Variants in RPS6KC1 observed in about 807,000 individuals in gnomAD.
RPS6KC1 encodes ribosomal protein S6 kinase C1.
Under a neutral mutation model 103.8 loss-of-function variants are expected in RPS6KC1, and 54 were observed. The observed-to-expected ratio is 0.52, with a 90% CI of 0.42 to 0.65. The LOEUF is 0.65. Among genes scored for constraint, RPS6KC1 ranks in the 30% least tolerant of loss-of-function variants. The pLI is 0.00. For missense variants in RPS6KC1, 1,151 were observed against 1,253.8 expected (o/e 0.92, Z 1.24); for synonymous variants, 439 against 438.7 (o/e 1.00, Z -0.01).
At chr1:213,804,889 C>A in the RPS6KC1 span, among the ~76,000 whole-genome samples, 1 of 152,180 alleles carries the variant, frequency 6.6e-6, no homozygotes, top group African/African-American at 2.4e-5. Flanking sequence ...TTTACATATG[C>A]AGGCATACCT....
chr1:213,440,593 T>TAAAAAAA, the RPS6KC1 span, among the ~76,000 whole-genome samples: 8 of 100,376 alleles, frequency 8.0e-5, no homozygotes, highest in African/African-American at 8.1e-5. Flanking sequence ...TTAATGGAAC[T>TAAAAAAA]AAAAAAAAAA....
chr1:213,800,258 G>A, the RPS6KC1 span, among the ~76,000 whole-genome samples: 4 of 152,208 alleles, frequency 2.6e-5, no homozygotes, highest in Non-Finnish European at 5.9e-5. Context: ...GTCATTGATG[G>A]TGTTCGAGAA....
intron 4 of RPS6KC1, among the ~76,000 whole-genome samples, chr1:213,109,294 G>T (rs565849781): frequency 1.3e-5 from 2 of 152,062 alleles, no homozygotes; most frequent in South Asian, 2.1e-4. Flanking sequence ...CCGCCAGCAC[G>T]CCTGGCTAAT....
the RPS6KC1 span, among the ~76,000 whole-genome samples, chr1:213,444,845 T>C: frequency 1.3e-5 from 2 of 152,162 alleles, no homozygotes; most frequent in Non-Finnish European, 2.9e-5. Flanking sequence ...TTTAAACTGC[T>C]TTATTAAGAT....
At chr1:213,136,912 G>T (rs1274791306) in intron 6 of RPS6KC1, among the ~76,000 whole-genome samples, 1 of 152,142 alleles carries the variant, frequency 6.6e-6, no homozygotes, top group Non-Finnish European at 1.5e-5. Context: ...TGCCCAGACT[G>T]TCTTGAACTG....
At chr1:213,456,646 T>C in the RPS6KC1 span, among the ~76,000 whole-genome samples, 5 of 152,314 alleles carry the variant, frequency 3.3e-5, no homozygotes, top group East Asian at 5.8e-4. Context: ...TTTACAGATA[T>C]ACAGTGGGGC....
the RPS6KC1 span, among the ~76,000 whole-genome samples, chr1:213,802,626 A>G: frequency 1.3e-5 from 2 of 152,068 alleles, no homozygotes; most frequent in Non-Finnish European, 2.9e-5. Context: ...TCTTTATAGC[A>G]ATAACTTAGG....
chr1:213,664,080 C>A, the RPS6KC1 span, among the ~76,000 whole-genome samples: 8 of 151,838 alleles, frequency 5.3e-5, no homozygotes, highest in Non-Finnish European at 7.4e-5. Flanking sequence ...GCAGCCTGAC[C>A]TTCTCTGGCC....
At chr1:213,314,008 G>A in the RPS6KC1 span, among the ~76,000 whole-genome samples, 1 of 152,054 alleles carries the variant, frequency 6.6e-6, no homozygotes, top group East Asian at 1.9e-4. Flanking sequence ...TGGAGGCTAC[G>A]AGTTCACAAT....
intron 8 of RPS6KC1, among the ~76,000 whole-genome samples, chr1:213,182,071 A>G (rs1032561999): frequency 6.6e-6 from 1 of 152,220 alleles, no homozygotes; most frequent in African/African-American, 2.4e-5. Context: ...AAAGGGACAT[A>G]AAGGAAGGTA....
At chr1:213,799,559 T>C in the RPS6KC1 span, among the ~76,000 whole-genome samples, 5 of 152,238 alleles carry the variant, frequency 3.3e-5, no homozygotes, top group Non-Finnish European at 7.3e-5. Flanking sequence ...GAAATTTCCC[T>C]GTCAAACTTT....
In RPS6KC1 at chr1:213,232,942, A is replaced by G. The variant is rs796115978; in HGVS notation, c.1225+687A>G. Among the ~76,000 whole-genome samples, 4 of 152,158 alleles carry G rather than the reference A, an allele frequency of 2.6e-5. No homozygotes were observed. In the South Asian group the frequency reaches 8.3e-4, roughly 32 times the overall value. On this transcript the variant is annotated intron_variant, in intron 10 of 14. Transcript: ENST00000366960. Reference sequence around the variant, plus strand: ...ATAAATATAAATTCATTTAATACATATTGCCATTTGGCTTTTAAGAGGTGT... The same window carrying G: ...ATAAATATAAATTCATTTAATACATGTTGCCATTTGGCTTTTAAGAGGTGT...
chr1:213,678,987 G>A, the RPS6KC1 span, among the ~76,000 whole-genome samples: 2 of 152,298 alleles, frequency 1.3e-5, no homozygotes, highest in Middle Eastern at 3.4e-3. Flanking sequence ...GAAAGCTGTT[G>A]CTATTTGAAC....
At chr1:213,836,427 G>C in the RPS6KC1 span, among the ~76,000 whole-genome samples, 1 of 152,016 alleles carries the variant, frequency 6.6e-6, no homozygotes, top group Non-Finnish European at 1.5e-5. Flanking sequence ...AAATGTGTTA[G>C]GAGCCATGAT....
At chr1:213,509,511 T>G in the RPS6KC1 span, among the ~76,000 whole-genome samples, 2 of 152,220 alleles carry the variant, frequency 1.3e-5, no homozygotes, top group African/African-American at 2.4e-5. Flanking sequence ...GCTGGCAACC[T>G]GTTTTTGTAT....
chr1:213,163,531 C>T lies in RPS6KC1; in HGVS notation c.836-4327C>T, dbSNP rs190658843. On this transcript the variant is annotated intron_variant, in intron 6 of 14. Coordinates refer to ENST00000366960, the MANE Select transcript of RPS6KC1 (RefSeq NM_012424.6). ...TGTTTAAATTGGCTTGTTCTTCCTCCAGCATGGCTTTTCTTTTGTTGAACA... is the reference window on the plus strand; with the variant it reads ...TGTTTAAATTGGCTTGTTCTTCCTCTAGCATGGCTTTTCTTTTGTTGAACA... 9.1e-3 allele frequency among the ~76,000 whole-genome samples: 1,386 copies of T among 152,288 alleles called. 13 individuals carry two copies. Among genetic ancestry groups the T allele is most frequent in the Non-Finnish European group, 0.014 (919 of 68,010 alleles).
At chr1:213,169,457 CTT>C (rs1441422812) in intron 7 of RPS6KC1, among the ~76,000 whole-genome samples, 3 of 152,114 alleles carry the variant, frequency 2.0e-5, no homozygotes, top group Non-Finnish European at 2.9e-5. Flanking sequence ...TACTGCGACT[CTT>C]TTAGTCTGTA....
chr1:213,777,178 T>C, the RPS6KC1 span, among the ~76,000 whole-genome samples: 1 of 152,226 alleles, frequency 6.6e-6, no homozygotes, highest in Non-Finnish European at 1.5e-5. Flanking sequence ...GAAGAACTTT[T>C]TCTTCACATT....
intron 12 of RPS6KC1, among the ~76,000 whole-genome samples, chr1:213,243,345 C>T (rs1466100970): frequency 6.6e-6 from 1 of 151,936 alleles, no homozygotes; most frequent in Non-Finnish European, 1.5e-5. Flanking sequence ...GTCCTGAACA[C>T]CTGGCCTCAA....
Sources: allele counts gnomAD v4.1 joint callset (sites outside exome capture counted in the v4.1 genomes callset), GRCh38; gene constraint gnomAD v4.1.1; transcripts MANE v1.5; gene names NCBI Gene and HGNC (gene_info 2026-07-23, HGNC 2026-07-21).